The following CLDN14 variants were observed in gnomAD, a reference collection of about 807,000 sequenced individuals.
CLDN14 encodes the protein claudin-14.
CLDN14 carries 2 observed loss-of-function variants against 2.1 expected under a neutral mutation model. The observed-to-expected ratio is 0.96, with a 90% confidence interval of 0.39 to 3.01. The LOEUF is 3.01. Among genes scored for constraint, CLDN14 ranks in the 30% most tolerant of loss-of-function variants. The pLI, the probability that CLDN14 is intolerant of heterozygous loss-of-function variation, is 0.09. For missense variants in CLDN14, 298 were observed against 328.0 expected (o/e 0.91, Z 0.71); for synonymous variants, 136 against 154.4 (o/e 0.88, Z 0.88).
intron 1 of CLDN14, among the ~76,000 whole-genome samples, chr21:36,470,376 T>C (rs889392169): frequency 4.6e-5 from 7 of 152,126 alleles, no homozygotes; most frequent in Admixed American, 6.5e-5. Context: ...AGAAAGAACA[T>C]GTGCAGACGG....
chr21:36,484,824 C>A (rs901429760), upstream of CLDN14, among the ~76,000 whole-genome samples: 3 of 152,198 alleles, frequency 2.0e-5, no homozygotes, highest in Admixed American at 2.0e-4. Flanking sequence ...AGTGATTCTC[C>A]TGCCTTGGCC....
intron 1 of CLDN14, among the ~76,000 whole-genome samples, chr21:36,561,482 C>T (rs2087634899): frequency 1.3e-5 from 2 of 152,128 alleles, no homozygotes; most frequent in Non-Finnish European, 2.9e-5. Context: ...TCACTTGGTT[C>T]CCGCCATAGT....
At chr21:36,466,997 C>T (rs1031464700) in intron 1 of CLDN14, among the ~76,000 whole-genome samples, 1 of 152,130 alleles carries the variant, frequency 6.6e-6, no homozygotes, top group Admixed American at 6.5e-5. Context: ...TCGACTTCAT[C>T]CCCAGCAGAG....
chr21:36,484,861 C>A (rs534490345), upstream of CLDN14, among the ~76,000 whole-genome samples: 1 of 151,940 alleles, frequency 6.6e-6, no homozygotes, highest in South Asian at 2.1e-4. Context: ...TACAGGCATG[C>A]ACCGCCATGC....
chr21:36,550,479 G>A (rs1236981364), intron 1 of CLDN14, among the ~76,000 whole-genome samples: 1 of 152,162 alleles, frequency 6.6e-6, no homozygotes, highest in Non-Finnish European at 1.5e-5. Context: ...AAGTTGGTTT[G>A]CTAAGAGCCA....
chr21:36,468,698 G>C (rs961482751), intron 1 of CLDN14, among the ~76,000 whole-genome samples: 6 of 152,080 alleles, frequency 3.9e-5, no homozygotes, highest in Non-Finnish European at 7.4e-5. Context: ...TAACTCTTAC[G>C]CTATGATGTA....
chr21:36,531,765 A>G (rs1312559720), intron 1 of CLDN14, among the ~76,000 whole-genome samples: 1 of 151,810 alleles, frequency 6.6e-6, no homozygotes, highest in Non-Finnish European at 1.5e-5. Context: ...TTTAAAATCT[A>G]ATAAATCACC....
chr21:36,519,993 G>A (rs1454641864), intron 1 of CLDN14, among the ~76,000 whole-genome samples: 1 of 152,204 alleles, frequency 6.6e-6, no homozygotes, highest in Admixed American at 6.5e-5. Flanking sequence ...GTGGTTTGTA[G>A]CAATAGTAAT....
At chr21:36,563,275 C>T (rs1472968430) in intron 1 of CLDN14, among the ~76,000 whole-genome samples, 1 of 152,168 alleles carries the variant, frequency 6.6e-6, no homozygotes, top group Non-Finnish European at 1.5e-5. Flanking sequence ...GTCATAGCAT[C>T]TCCGTGCATT....
chr21:36,470,969 G>A (rs1221841305), intron 1 of CLDN14, among the ~76,000 whole-genome samples: 3 of 152,294 alleles, frequency 2.0e-5, no homozygotes, highest in East Asian at 1.9e-4. Flanking sequence ...GAGCAACATC[G>A]TATTTCAAAA....
Position 36,498,557 on chromosome 21 carries a change from C to T in CLDN14, c.-82+11806G>A, listed in dbSNP as rs1455043610. On this transcript the variant is annotated intron_variant, in intron 2 of 2. Transcript: ENST00000342108. This position sits in a 1 kb window ranked among gnomAD's most constrained non-coding sequence, Gnocchi z 4.9. The stretch of plus-strand genomic sequence containing the variant: ...GATACATGCACTTAATATCAGCAGA[C>T]TTGTTGTGAGTATAAGCCTCTATAA... Among the ~76,000 whole-genome samples, 1 of 152,156 alleles carries T rather than the reference C, an allele frequency of 6.6e-6. No homozygotes were observed. Among genetic ancestry groups the T allele is most frequent in the Non-Finnish European group, 1.5e-5 (1 of 68,034 alleles).
rs935275848 is a variant in CLDN14, at chr21:36,494,181, G to A, written c.-82+16182C>T. ...GACCGGGAGACCATCTTCTCTCCCA[G>A]CGGGGGACTGTGAGATTTCCTGCAC... On this transcript the variant is annotated intron_variant, in intron 2 of 2. Transcript: ENST00000342108. Among the ~76,000 whole-genome samples, 4 of 152,214 alleles carry A rather than the reference G, an allele frequency of 2.6e-5. No individual in the cohort carries two copies. In the South Asian group the frequency reaches 8.3e-4, roughly 31 times the overall value.
chr21:36,491,495 T>C (rs2086964345), intron 2 of CLDN14, among the ~76,000 whole-genome samples: 1 of 152,178 alleles, frequency 6.6e-6, no homozygotes, highest in Admixed American at 6.5e-5. Context: ...TTCCGCGTAC[T>C]TTTTGGGTCT....
At position 36,461,427 on chromosome 21, in the gene CLDN14, A is replaced by G; in HGVS notation, c.269T>C (p.Leu90Pro). ...ARALMVISCLLSGIACACAVI... is the reference protein window; with the variant it reads ...ARALMVISCLPSGIACACAVI... ...GGCGCAGGCGCAGGCTATGCCCGAG[A>G]GCAGGCAGGAGATGACCATGAGGGC... The change falls in exon 2 of 2, where the codon CTC becomes CCC. Residue 90 changes from leucine to proline, a missense_variant. Coordinates refer to ENST00000399135, the MANE Select transcript of CLDN14 (RefSeq NM_001146079.2). 1 of 1,613,238 alleles carries G rather than the reference A, an allele frequency of 6.2e-7. No individual in the cohort carries two copies. Among genetic ancestry groups the G allele is most frequent in the Non-Finnish European group, 8.5e-7 (1 of 1,179,982 alleles).
At chr21:36,470,748 A>G (rs2086701296) in intron 1 of CLDN14, among the ~76,000 whole-genome samples, 1 of 152,178 alleles carries the variant, frequency 6.6e-6, no homozygotes, top group Non-Finnish European at 1.5e-5. Context: ...CTGAGGTGGG[A>G]GGATCACTTG....
chr21:36,472,319 C>T (rs1012851402), intron 1 of CLDN14, among the ~76,000 whole-genome samples: 5 of 152,154 alleles, frequency 3.3e-5, no homozygotes, highest in East Asian at 3.9e-4. Context: ...GGTTTAGCTG[C>T]GGGGTGTGAG....
At chr21:36,541,170 A>T (rs927257088) in intron 1 of CLDN14, among the ~76,000 whole-genome samples, 1 of 152,202 alleles carries the variant, frequency 6.6e-6, no homozygotes, top group Non-Finnish European at 1.5e-5. Flanking sequence ...CATGGAAGTC[A>T]ACAGTAAGAG....
intron 1 of CLDN14, among the ~76,000 whole-genome samples, chr21:36,521,444 A>T (rs2087269470): frequency 6.6e-6 from 1 of 152,200 alleles, no homozygotes; most frequent in Non-Finnish European, 1.5e-5. Flanking sequence ...ATAGCCATTG[A>T]GTTAAGAAAT....
chr21:36,490,949 G>GACAC (rs3030068), intron 2 of CLDN14, among the ~76,000 whole-genome samples: 5,039 of 148,786 alleles, frequency 0.034, 225 homozygotes, highest in African/African-American at 0.1. Context: ...CAAGTGCACA[G>GACAC]ACACACACAC....
Sources: gnomAD v4.1 joint callset for allele counts (sites outside exome capture counted in the v4.1 genomes callset) on GRCh38, gnomAD v4.1.1 for gene constraint, Gnocchi (gnomAD v3.1) non-coding constraint, MANE v1.5 for transcripts, NCBI Gene and HGNC (gene_info 2026-07-23, HGNC 2026-07-21) for gene names.